Variants in SLC35F1 observed in about 807,000 individuals in gnomAD.
SLC35F1 encodes solute carrier family 35 member F1.
In SLC35F1, 14 loss-of-function variants were observed where a neutral mutation model predicts 48.7. That is an observed-to-expected ratio of 0.29 (90% CI 0.19 to 0.45). The LOEUF is 0.45. SLC35F1 is among the 20% of genes least tolerant of loss of function. SLC35F1 has a pLI of 1.00. For missense variants in SLC35F1, 404 were observed against 500.0 expected (o/e 0.81, Z 1.83); for synonymous variants, 190 against 202.2 (o/e 0.94, Z 0.51).
At chr6:118,123,427 AG>A (rs1773580955) in intron 1 of SLC35F1, among the ~76,000 whole-genome samples, 1 of 9,526 alleles carries the variant, frequency 1.0e-4, no homozygotes, top group Non-Finnish European at 1.5e-3. Context: ...GCCAAATGAT[AG>A]TTTTTTTTTT....
At chr6:118,189,300 C>G (rs906020073) in intron 2 of SLC35F1, among the ~76,000 whole-genome samples, 2 of 152,218 alleles carry the variant, frequency 1.3e-5, no homozygotes, top group South Asian at 4.2e-4. Flanking sequence ...TTGATAATAG[C>G]CATTCTAACA....
rs562077588 is a variant in SLC35F1, at chr6:118,285,157, G to T, written c.848-27G>T. The T allele has an allele frequency of 4.4e-6, 7 of 1,607,206 alleles. No individual in the cohort carries two copies. The African/African-American group carries it at 5.4e-5, about 12-fold the overall frequency. ...AAGATGCCCTGGAGGAGGCCCTGACGCTGCCTTCTCTTTACTCTTCCCCCA... is the reference window on the plus strand; with the variant it reads ...AAGATGCCCTGGAGGAGGCCCTGACTCTGCCTTCTCTTTACTCTTCCCCCA... On this transcript the variant is annotated intron_variant, in intron 6 of 7. Transcript: ENST00000360388.
intron 1 of SLC35F1, among the ~76,000 whole-genome samples, chr6:118,044,829 AT>A (rs1269184435): frequency 6.6e-6 from 1 of 152,124 alleles, no homozygotes; most frequent in Non-Finnish European, 1.5e-5. Context: ...AGCCTCCCAC[AT>A]TCTTTCCTAG....
At chr6:118,156,019 A>C (rs1270222279) in intron 2 of SLC35F1, among the ~76,000 whole-genome samples, 1 of 152,176 alleles carries the variant, frequency 6.6e-6, no homozygotes, top group Non-Finnish European at 1.5e-5. Flanking sequence ...GTTTAATTTT[A>C]ATTTGTTTAA....
intron 7 of SLC35F1, among the ~76,000 whole-genome samples, chr6:118,300,505 C>G (rs1452678571): frequency 6.6e-6 from 1 of 152,122 alleles, no homozygotes; most frequent in African/African-American, 2.4e-5. Context: ...TTTTTATAAT[C>G]ACAAAACAAT....
At chr6:118,213,988 A>C (rs539012423) in intron 2 of SLC35F1, among the ~76,000 whole-genome samples, 1 of 152,330 alleles carries the variant, frequency 6.6e-6, no homozygotes, top group African/African-American at 2.4e-5. Context: ...TCAAAAAATT[A>C]TTAAAATTAC....
intron 1 of SLC35F1, among the ~76,000 whole-genome samples, chr6:118,082,398 A>G (rs1361989552): frequency 6.6e-6 from 1 of 152,200 alleles, no homozygotes; most frequent in Non-Finnish European, 1.5e-5. Context: ...TCAGAGAATA[A>G]TTTTAGAAAG....
chr6:117,916,927 C>T (rs376567012), intron 1 of SLC35F1, among the ~76,000 whole-genome samples: 6 of 152,100 alleles, frequency 3.9e-5, no homozygotes, highest in South Asian at 2.1e-4. Flanking sequence ...AGGGATACTT[C>T]GGGAAACAAA....
chr6:117,979,044 G>C (rs1776741584), intron 1 of SLC35F1, among the ~76,000 whole-genome samples: 2 of 152,144 alleles, frequency 1.3e-5, no homozygotes, highest in South Asian at 4.1e-4. Flanking sequence ...CATGCCTAGT[G>C]TTATTAATTC....
At chr6:117,943,046 T>A (rs1174921720) in intron 1 of SLC35F1, among the ~76,000 whole-genome samples, 1 of 152,176 alleles carries the variant, frequency 6.6e-6, no homozygotes, top group Admixed American at 6.5e-5. Flanking sequence ...GTCAAGTGCC[T>A]CTGAGACAAT....
At chr6:117,982,922 G>C (rs140451731) in intron 1 of SLC35F1, among the ~76,000 whole-genome samples, 1,985 of 152,112 alleles carry the variant, frequency 0.013, 26 homozygotes, top group Non-Finnish European at 0.018. Context: ...CATTACCCAG[G>C]AGACTCTCTA....
At chr6:117,980,210 A>T (rs1776759156) in intron 1 of SLC35F1, among the ~76,000 whole-genome samples, 1 of 151,894 alleles carries the variant, frequency 6.6e-6, no homozygotes, top group Non-Finnish European at 1.5e-5. Context: ...ACATAAGTAA[A>T]CCTCCCACTG....
chr6:117,941,468 AT>A (rs1425334976), intron 1 of SLC35F1, among the ~76,000 whole-genome samples: 3 of 152,220 alleles, frequency 2.0e-5, no homozygotes, highest in Admixed American at 6.5e-5. Context: ...AGCCAAAGCC[AT>A]TCAGTAACAA....
At chr6:118,312,355 G>A (rs1250881048) in intron 7 of SLC35F1, among the ~76,000 whole-genome samples, 1 of 152,188 alleles carries the variant, frequency 6.6e-6, no homozygotes. Context: ...AAGCAAGTTT[G>A]AGTGTAAATA....
intron 1 of SLC35F1, among the ~76,000 whole-genome samples, chr6:117,927,219 A>T (rs1288046009): frequency 2.6e-5 from 4 of 152,228 alleles, no homozygotes; most frequent in Non-Finnish European, 5.9e-5. Flanking sequence ...AGCATAATGC[A>T]TGTGTAAGGA....
At chr6:117,943,826 A>T (rs1278393118) in intron 1 of SLC35F1, among the ~76,000 whole-genome samples, 1 of 152,156 alleles carries the variant, frequency 6.6e-6, no homozygotes, top group East Asian at 1.9e-4. Context: ...ATCACTTTTT[A>T]TCATTACATC....
chr6:118,109,727 G>A (rs921758644), intron 1 of SLC35F1, among the ~76,000 whole-genome samples: 1 of 152,002 alleles, frequency 6.6e-6, no homozygotes, highest in Non-Finnish European at 1.5e-5. Context: ...TCACTGTCTG[G>A]CAGGACATCT....
chr6:118,126,218 C>A (rs1773622320), intron 1 of SLC35F1, among the ~76,000 whole-genome samples: 1 of 152,100 alleles, frequency 6.6e-6, no homozygotes, highest in African/African-American at 2.4e-5. Flanking sequence ...TCCTTAGAGG[C>A]TTTTGTTAGG....
intron 1 of SLC35F1, 114 bp downstream of exon 1, chr6:117,908,013 G>A (rs1352244354): frequency 1.0e-6 from 1 of 984,672 alleles, no homozygotes; most frequent in Non-Finnish European, 1.3e-6. Context: ...GTTGCGGCCG[G>A]AGGAGACTGA....
Sources: allele counts gnomAD v4.1 joint callset (sites outside exome capture counted in the v4.1 genomes callset), GRCh38; gene constraint gnomAD v4.1.1; transcripts MANE v1.5; gene names NCBI Gene and HGNC (gene_info 2026-07-23, HGNC 2026-07-21).